Variants in SOX6 observed in about 807,000 individuals in gnomAD.
SOX6 encodes transcription factor SOX-6.
In SOX6, 11 loss-of-function variants were observed where a neutral mutation model predicts 97.8. That is an observed-to-expected ratio of 0.11 (90% CI 0.07 to 0.19). The LOEUF is 0.19. SOX6 is among the 10% of genes least tolerant of loss of function. The pLI is 1.00. For missense variants in SOX6, 810 were observed against 1,039.5 expected (o/e 0.78, Z 3.04); for synonymous variants, 360 against 371.4 (o/e 0.97, Z 0.35).
intron 1 of SOX6, among the ~76,000 whole-genome samples, chr11:16,440,090 T>C (rs1859474429): frequency 6.6e-6 from 1 of 152,188 alleles, no homozygotes; most frequent in African/African-American, 2.4e-5. Context: ...GTCAAATAAG[T>C]AGTGAATTAA....
chr11:16,552,709 A>AT (rs1847702468), intron 4 of SOX6, among the ~76,000 whole-genome samples: 1 of 152,134 alleles, frequency 6.6e-6, no homozygotes, highest in Admixed American at 6.6e-5. Flanking sequence ...GAGGTTTGGG[A>AT]TTTTTTGTTT....
chr11:16,554,026 T>C (rs542665467), intron 4 of SOX6, among the ~76,000 whole-genome samples: 3 of 152,106 alleles, frequency 2.0e-5, no homozygotes, highest in African/African-American at 7.2e-5. Flanking sequence ...GGGTACTCAG[T>C]CCATTCAAAA....
intron 2 of SOX6, among the ~76,000 whole-genome samples, chr11:16,717,961 T>C (rs1410660179): frequency 6.6e-6 from 1 of 151,594 alleles, no homozygotes; most frequent in East Asian, 1.9e-4. Context: ...TTCTTTTTTT[T>C]TTTTTTTCCA....
intron 1 of SOX6, among the ~76,000 whole-genome samples, chr11:16,419,182 A>G (rs1264849949): frequency 2.0e-5 from 3 of 152,128 alleles, no homozygotes; most frequent in Non-Finnish European, 2.9e-5. Flanking sequence ...ATAATGCTAC[A>G]ACGATCTCCT....
At chr11:16,479,141 G>A (rs1860301220), upstream of SOX6, among the ~76,000 whole-genome samples, 1 of 152,174 alleles carries the variant, frequency 6.6e-6, no homozygotes, top group Non-Finnish European at 1.5e-5. Context: ...TCTGACCATG[G>A]TGGTAATTTG....
At chr11:16,120,179 T>TTC (rs140697324) in intron 6 of SOX6, among the ~76,000 whole-genome samples, 2 of 122,460 alleles carry the variant, frequency 1.6e-5, no homozygotes, top group South Asian at 3.2e-4. Context: ...GCTCTCTCTC[T>TTC]TCTCTCTCTC....
At chr11:16,498,281 C>A (rs1860642512) in intron 4 of SOX6, among the ~76,000 whole-genome samples, 1 of 152,122 alleles carries the variant, frequency 6.6e-6, no homozygotes, top group South Asian at 2.1e-4. Flanking sequence ...CACCACCAGG[C>A]CTGCCCTAAA....
chr11:16,463,875 C>T (rs1370921415), intron 1 of SOX6, among the ~76,000 whole-genome samples: 4 of 152,164 alleles, frequency 2.6e-5, no homozygotes. Context: ...AATTTATAAA[C>T]TTTACCTTTT....
At chr11:16,084,402 T>C (rs1671687617) in intron 9 of SOX6, among the ~76,000 whole-genome samples, 1 of 151,966 alleles carries the variant, frequency 6.6e-6, no homozygotes, top group Non-Finnish European at 1.5e-5. Flanking sequence ...ATAAATATTT[T>C]TCAAATTAAT....
chr11:16,426,538 CA>C (rs1224504487), intron 1 of SOX6, among the ~76,000 whole-genome samples: 1 of 151,964 alleles, frequency 6.6e-6, no homozygotes, highest in African/African-American at 2.4e-5. Context: ...ACAAACGTGA[CA>C]AAAACAAGCA....
chr11:16,722,915 T>C (rs1049343373), intron 2 of SOX6, among the ~76,000 whole-genome samples: 7 of 152,174 alleles, frequency 4.6e-5, no homozygotes, highest in Admixed American at 2.0e-4. Flanking sequence ...AAAAGCAGTA[T>C]GGCAATTCCT....
chr11:16,689,792 T>C (rs911032017), intron 3 of SOX6, among the ~76,000 whole-genome samples: 1 of 152,236 alleles, frequency 6.6e-6, no homozygotes, highest in Non-Finnish European at 1.5e-5. Context: ...ATTGTTTACC[T>C]TATAAATCAT....
At chr11:16,227,573 C>T (rs948044199) in intron 4 of SOX6, among the ~76,000 whole-genome samples, 2 of 151,960 alleles carry the variant, frequency 1.3e-5, no homozygotes, top group South Asian at 4.1e-4. Context: ...AAAGGTGCGC[C>T]TCACCAGGCC....
chr11:16,666,117 C>T (rs1046455621), intron 3 of SOX6, among the ~76,000 whole-genome samples: 1 of 152,206 alleles, frequency 6.6e-6, no homozygotes, highest in African/African-American at 2.4e-5. Flanking sequence ...ACAAAGACTA[C>T]AATGAATACT....
At chr11:16,098,180 C>A (rs1351100644) in intron 7 of SOX6, among the ~76,000 whole-genome samples, 5 of 151,758 alleles carry the variant, frequency 3.3e-5, no homozygotes, top group African/African-American at 7.3e-5. Flanking sequence ...AATACAACCT[C>A]TTCAATATGA....
chr11:16,626,457 A>G (rs1471090576), intron 3 of SOX6, among the ~76,000 whole-genome samples: 1 of 152,172 alleles, frequency 6.6e-6, no homozygotes, highest in Non-Finnish European at 1.5e-5. Context: ...ATAACATTAC[A>G]CTAAGTCTTG....
intron 1 of SOX6, among the ~76,000 whole-genome samples, chr11:16,362,600 C>T (rs1419609152): frequency 6.6e-6 from 1 of 151,832 alleles, no homozygotes; most frequent in Non-Finnish European, 1.5e-5. Flanking sequence ...TATACAGAAG[C>T]ATTGCATGGT....
At chr11:16,095,251 C>G (rs945965290) in intron 9 of SOX6, among the ~76,000 whole-genome samples, 1 of 151,652 alleles carries the variant, frequency 6.6e-6, no homozygotes, top group Non-Finnish European at 1.5e-5. Flanking sequence ...TGAGGGACCC[C>G]GGTGAGGCAG....
At chr11:16,066,989 C>G (rs1848108705) in intron 9 of SOX6, among the ~76,000 whole-genome samples, 1 of 152,100 alleles carries the variant, frequency 6.6e-6, no homozygotes, top group African/African-American at 2.4e-5. Context: ...GGGCCTGTAG[C>G]CCCTTTGTTT....
Sources: gnomAD v4.1 joint callset for allele counts (sites outside exome capture counted in the v4.1 genomes callset) on GRCh38, gnomAD v4.1.1 for gene constraint, MANE v1.5 for transcripts, NCBI Gene and HGNC (gene_info 2026-07-23, HGNC 2026-07-21) for gene names.